Variants in MYCBPAP observed in about 807,000 individuals in gnomAD.
The protein encoded by MYCBPAP is MYCBP-associated protein.
In MYCBPAP, 60 loss-of-function variants were observed where a neutral mutation model predicts 106.1. The ratio of observed to expected loss-of-function variants is 0.57; its 90% CI spans 0.46 to 0.70. The LOEUF (loss-of-function observed/expected upper bound fraction) is 0.70, where lower values mean the gene tolerates loss of function less well. Among genes scored for constraint, MYCBPAP ranks in the 30% least tolerant of loss-of-function variants. MYCBPAP has a pLI of 0.00. For synonymous variants in MYCBPAP, 407 were observed against 440.6 expected, an observed-to-expected ratio of 0.92 and a Z score of 0.95; for missense variants, 1,064 against 1,169.3, an observed-to-expected ratio of 0.91 and a Z score of 1.31.
intron 4 of MYCBPAP, 119 bp downstream of exon 4, chr17:50,517,817 C>CT (rs2143932646): frequency 1.2e-6 from 1 of 820,898 alleles, no homozygotes; most frequent in Admixed American, 2.3e-5. Flanking sequence ...GGTTTTGAGT[C>CT]TGAGTTGATA....
intron 7 of MYCBPAP, among the ~76,000 whole-genome samples, chr17:50,520,377 C>T (rs747070702): frequency 5.3e-5 from 8 of 152,090 alleles, no homozygotes; most frequent in East Asian, 3.9e-4. Context: ...TGGTGGTGCG[C>T]GCCTAGAATC....
intron 15 of MYCBPAP, among the ~76,000 whole-genome samples, chr17:50,527,697 C>CG (rs1366089728): frequency 2.0e-5 from 3 of 152,012 alleles, no homozygotes; most frequent in African/African-American, 4.8e-5. Flanking sequence ...AGGAAGAAGA[C>CG]GGGGGGCAGA....
At chr17:50,525,227 T>C (rs1375422204) in intron 13 of MYCBPAP, 1 of 567,322 alleles carries the variant, frequency 1.8e-6, no homozygotes, top group African/African-American at 1.9e-5. Flanking sequence ...ATGGAAATTG[T>C]ACACTCCTTA....
rs1395316184 is a variant in MYCBPAP, at chr17:50,526,246, C to G, written c.2148C>G (p.Leu716=). ...PDGLPLLEWN[L]CLEDFRKAVM... ...GCCTTCCCCTGCTGGAGTGGAACCT[C>G]TGCTTGGAGGACTTCAGAAAGGTGC... The change falls in exon 14 of 19, where the codon CTC becomes CTG. Residue 716 remains leucine (L), a synonymous_variant. Coordinates refer to ENST00000323776, the MANE Select transcript of MYCBPAP (RefSeq NM_032133.6). The G allele has an allele frequency of 6.2e-7, 1 of 1,609,760 alleles. No homozygotes were observed. Among genetic ancestry groups the G allele is most frequent in the Non-Finnish European group, 8.5e-7 (1 of 1,178,988 alleles).
chr17:50,527,138 C>T, intron 14 of MYCBPAP, 149 bp from the exon 15 acceptor site: 2 of 1,092,220 alleles, frequency 1.8e-6, no homozygotes, highest in Non-Finnish European at 2.7e-6. Context: ...GGGTCCCTGG[C>T]TCCCACCAAA....
intron 18 of MYCBPAP, 61 bp from the exon 19 acceptor site, chr17:50,531,266 T>G: frequency 9.1e-7 from 1 of 1,100,332 alleles, no homozygotes; most frequent in Non-Finnish European, 1.3e-6. Flanking sequence ...CACAGCATAG[T>G]TCATATATAG....
rs1372636216 is a variant in MYCBPAP, at chr17:50,531,338, G to A, written c.2736G>A (p.Leu912=). 6.2e-7 allele frequency: 1 copy of A among 1,612,326 alleles called. No homozygotes were observed. Among genetic ancestry groups the A allele is most frequent in the Non-Finnish European group, 8.5e-7 (1 of 1,179,418 alleles). The stretch of plus-strand genomic sequence containing the variant: ...TCCCGTTCTTCCAGGTCCGTGGGCT[G>A]CTGGACACCCTGGTGACTGACCTGA... ...TQSLHSEVRG[L]LDTLVTDLMV... is the part of the protein sequence containing the mutation. Residue 912 remains leucine, a synonymous_variant, in exon 19 of 19, where the codon CTG becomes CTA. Coordinates refer to ENST00000323776, the MANE Select transcript of MYCBPAP (RefSeq NM_032133.6).
chr17:50,521,647 C>T (rs571219598), intron 9 of MYCBPAP, among the ~76,000 whole-genome samples: 65 of 152,300 alleles, frequency 4.3e-4, no homozygotes, highest in African/African-American at 1.5e-3. Flanking sequence ...GGGGATTTCC[C>T]AGACATTCCC....
intron 13 of MYCBPAP, 89 bp downstream of exon 13, chr17:50,525,112 T>G (rs1597843008): frequency 6.7e-7 from 1 of 1,489,970 alleles, no homozygotes. Flanking sequence ...AGGTGAGCAG[T>G]GGGTGAGCCA....
chr17:50,518,980 T>G lies in MYCBPAP; in HGVS notation c.659T>G (p.Leu220Arg), dbSNP rs751368428. The change falls in exon 6 of 19, where the codon CTA becomes CGA. Residue 220 changes from leucine to arginine, a missense_variant. By Grantham distance (102) the Leu-to-Arg change is moderately radical. Coordinates refer to ENST00000323776, the MANE Select transcript of MYCBPAP (RefSeq NM_032133.6). ...ATCTTGCCTCTCTCTCTAGAACACCTAAAGAAGCCAGTGAGTGAGCTGCTC... is the reference window on the plus strand; with the variant it reads ...ATCTTGCCTCTCTCTCTAGAACACCGAAAGAAGCCAGTGAGTGAGCTGCTC... ...KKQQEALSEH[L>R]KKPVSELLMH... The G allele has an allele frequency of 1.1e-5, 17 of 1,613,636 alleles. No individual in the cohort carries two copies. The Admixed American group carries it at 2.5e-4, about 24-fold the overall frequency.
Position 50,523,642 on chromosome 17 carries a change from A to G in MYCBPAP, c.1493A>G (p.Lys498Arg). The change falls in exon 12 of 19, where the codon AAG (lysine) becomes AGG (arginine). Residue 498 changes from lysine to arginine, a missense_variant. Transcript: ENST00000323776. ...ATTAAAACATTTACCTTCTTCTTCA[A>G]GTCTTTGACTGCTGGGGTCTTCAGG... Reference protein sequence around the residue: ...GEIKTFTFFFKSLTAGVFREF... With the variant: ...GEIKTFTFFFRSLTAGVFREF... The G allele has an allele frequency of 6.2e-7, 1 of 1,614,212 alleles. No individual in the cohort carries two copies. The highest frequency in any genetic ancestry group is 2.2e-5 in the East Asian group (1 of 44,886).
At chr17:50,528,029 T>A in intron 15 of MYCBPAP, 126 bp from the exon 16 acceptor site, 1 of 767,006 alleles carries the variant, frequency 1.3e-6, no homozygotes, top group South Asian at 1.7e-5. Context: ...TGCTGGCTGT[T>A]CAGGGGTGTG....
intron 6 of MYCBPAP, 193 bp from the exon 7 acceptor site, chr17:50,519,446 TG>T: frequency 1.5e-6 from 1 of 670,676 alleles, no homozygotes; most frequent in Non-Finnish European, 2.5e-6. Flanking sequence ...ACCATCTGGC[TG>T]GGGGCAGGTA....
chr17:50,518,679 CAGCGTA>C lies in MYCBPAP; in HGVS notation c.609_614del (p.Gln203_Asn205delinsHis). The stretch of plus-strand genomic sequence containing the variant: ...TCAGCACAACTTTCTGAAAAACTGG[CAGCGTA>C]ACACAGCCCTGCGGAAGAAGCAGCA... On this transcript the variant is annotated inframe_deletion, in exon 5 of 19. Transcript: ENST00000323776. 6.2e-7 allele frequency: 1 copy of C among 1,603,638 alleles called. No homozygotes were observed. The highest frequency in any genetic ancestry group is 8.5e-7 in the Non-Finnish European group (1 of 1,176,236).
At position 50,531,388 on chromosome 17, in the gene MYCBPAP, C is replaced by T. The variant is rs772580931; in HGVS notation, c.2786C>T (p.Pro929Leu). The T allele has an allele frequency of 1.2e-6, 2 of 1,613,536 alleles. No individual in the cohort carries two copies. Among genetic ancestry groups the T allele is most frequent in the Non-Finnish European group, 1.7e-6 (2 of 1,179,848 alleles). ...DLMVLADELS[P>L]IKNVEEALRL... ...ATGGTCCTGGCTGATGAGCTCAGCCCCATAAAGAATGTCGAGGAGGCTTTG... is the reference window on the plus strand; with the variant it reads ...ATGGTCCTGGCTGATGAGCTCAGCCTCATAAAGAATGTCGAGGAGGCTTTG... Residue 929 changes from proline (P) to leucine (L), a missense_variant, in exon 19 of 19, where the codon CCC (proline) becomes CTC (leucine). By Grantham distance (98) the Pro-to-Leu change is moderately conservative. Coordinates refer to ENST00000323776, the MANE Select transcript of MYCBPAP (RefSeq NM_032133.6).
At chr17:50,519,469 A>G in intron 6 of MYCBPAP, 171 bp from the exon 7 acceptor site, 1 of 772,804 alleles carries the variant, frequency 1.3e-6, no homozygotes, top group Non-Finnish European at 2.1e-6. Flanking sequence ...AGATGACAAC[A>G]GGGTGTCCAG....
At chr17:50,527,124 A>AG (rs1030126051) in intron 14 of MYCBPAP, 163 bp from the exon 15 acceptor site, 23 of 910,838 alleles carry the variant, frequency 2.5e-5, no homozygotes, top group African/African-American at 1.3e-4. Context: ...CAGATTTCTG[A>AG]GGGGGGTCCC....
chr17:50,522,709 A>AAAAAAAAAAAATAATATATATATATAT, intron 10 of MYCBPAP: 1 of 50,016 alleles, frequency 2.0e-5, no homozygotes, highest in East Asian at 1.5e-3. Context: ...AAAAAAAAAA[A>AAAAAAAAAAAATAATATATATATATAT]ATATATATAT....
rs368045473 is a variant in MYCBPAP at position 50,524,913 on chromosome 17, C to T, written c.1672C>T (p.Arg558Cys). The T allele has an allele frequency of 5.0e-6, 8 of 1,613,998 alleles. No individual in the cohort carries two copies. The highest frequency in any genetic ancestry group is 1.1e-5 in the South Asian group (1 of 91,082). Residue 558 changes from arginine to cysteine, a missense_variant, in exon 13 of 19, where the codon CGC becomes TGC. By Grantham distance (180) the Arg-to-Cys change is radical. Transcript: ENST00000323776. ...TGCCCATGAGGCAGTCACCGTCGTT[C>T]GCGAAGTGCTGCAGGAGCTGCTGAT... The part of the protein sequence containing the change: ...LTAHEAVTVV[R>C]EVLQELLMGV...
Sources: gnomAD v4.1 joint callset for allele counts (sites outside exome capture counted in the v4.1 genomes callset) on GRCh38, gnomAD v4.1.1 for gene constraint, MANE v1.5 for transcripts, NCBI Gene and HGNC (gene_info 2026-07-23, HGNC 2026-07-21) for gene names.